ADGRG4: variants seen among roughly 807,000 people sequenced by gnomAD.
The protein encoded by ADGRG4 is G protein-coupled receptor 112.
ADGRG4 carries 122 observed loss-of-function variants against 126.2 expected under a neutral mutation model. The observed-to-expected ratio is 0.97, with a 90% confidence interval of 0.83 to 1.12. ADGRG4 has a LOEUF of 1.12. ADGRG4 is among the 50% of genes most tolerant of loss of function. The pLI, the probability that ADGRG4 is intolerant of heterozygous loss-of-function variation, is 0.00. For synonymous variants in ADGRG4, 943 were observed against 838.7 expected (o/e 1.12, Z -2.15); for missense variants, 2,481 against 2,251.8 (o/e 1.10, Z -2.06).
At position 136,349,235 on chromosome X, in the gene ADGRG4, T is replaced by A. The variant is rs1198780943; in HGVS notation, c.5529T>A (p.Thr1843=). ...CATTTGTTTATTCACCTCATAGTAC[T>A]GAAGCTGAGATCTCTACTCCAAAGA... The part of the protein sequence containing the change: ...LTSFVYSPHS[T]EAEISTPKTS... Residue 1843 remains threonine, a synonymous_variant, in exon 6 of 26, where the codon ACT becomes ACA. Transcript: ENST00000394143. 1.7e-6 allele frequency: 2 copies of A among 1,204,275 alleles called. No individual in the cohort carries two copies. The highest frequency in any genetic ancestry group is 4.4e-5 in the Admixed American group (2 of 45,895).
chrX:136,341,912 A>G (rs778366685), intron 5 of ADGRG4, among the ~76,000 whole-genome samples: 4 of 112,064 alleles, frequency 3.6e-5, no homozygotes, highest in Non-Finnish European at 5.6e-5. Flanking sequence ...TTCCTACATC[A>G]TAGGTAATAT....
At chrX:136,394,117 G>A (rs951226874) in intron 18 of ADGRG4, among the ~76,000 whole-genome samples, 14 of 110,384 alleles carry the variant, frequency 1.3e-4, no homozygotes, top group Non-Finnish European at 2.5e-4. Context: ...TGTGACCTTG[G>A]GTAGACAATT....
At chrX:136,312,132 T>C (rs766040475) in intron 4 of ADGRG4, among the ~76,000 whole-genome samples, 1 of 112,594 alleles carries the variant, frequency 8.9e-6, no homozygotes, top group East Asian at 2.8e-4. Context: ...GGCTAGGTTT[T>C]AATTAATTAA....
intron 5 of ADGRG4, among the ~76,000 whole-genome samples, chrX:136,343,633 T>A (rs917651747): frequency 8.9e-6 from 1 of 111,894 alleles, no homozygotes; most frequent in African/African-American, 3.2e-5. Context: ...TTTAAACTCA[T>A]TACTTCTACT....
At chrX:136,350,612 G>A (rs1189258738) in intron 6 of ADGRG4, among the ~76,000 whole-genome samples, 179 bp downstream of exon 6, 1 of 111,910 alleles carries the variant, frequency 8.9e-6, no homozygotes. Flanking sequence ...AAATTCTCTA[G>A]CCATCTTTCT....
At chrX:136,337,127 G>C (rs1331205605) in intron 5 of ADGRG4, among the ~76,000 whole-genome samples, 2 of 111,119 alleles carry the variant, frequency 1.8e-5, no homozygotes, top group African/African-American at 6.5e-5. Flanking sequence ...ACCACGCCCA[G>C]TTATTTTTAA....
chrX:136,414,944 G>A (rs909747089), intron 25 of ADGRG4, among the ~76,000 whole-genome samples: 1 of 112,485 alleles, frequency 8.9e-6, no homozygotes, highest in Non-Finnish European at 1.9e-5. Context: ...GGAATGGGGT[G>A]TTGTACCTAA....
intron 13 of ADGRG4, among the ~76,000 whole-genome samples, chrX:136,368,081 G>A (rs1042780964): frequency 1.8e-5 from 2 of 111,791 alleles, no homozygotes; most frequent in Admixed American, 9.5e-5. Context: ...CAGGTAGAAA[G>A]ACTGCAAAGC....
Position 136,371,551 on chromosome X carries a change from A to G in ADGRG4, c.7613+7A>G. 1 of 1,061,426 alleles carries G rather than the reference A, an allele frequency of 9.4e-7. No individual in the cohort carries two copies. The highest frequency in any genetic ancestry group is 2.5e-5 in the South Asian group (1 of 40,258). The allele number at this position is 1,061,426 out of a possible 1,213,427, so 87.5% of individuals were successfully genotyped here. A position where few individuals can be genotyped will look rare whatever the true frequency, so the allele number is the denominator to read the frequency against. Reference sequence around the variant, plus strand: ...TGCATGAAATAAGCAATGAGTAAGTACTAATACTTTGGTGAAAGACATTAT... The same window carrying G: ...TGCATGAAATAAGCAATGAGTAAGTGCTAATACTTTGGTGAAAGACATTAT... On this transcript the variant is annotated splice_region_variant and intron_variant, in intron 14 of 25. Coordinates refer to ENST00000394143, the MANE Select transcript of ADGRG4 (RefSeq NM_153834.4).
At chrX:136,323,577 AAC>A (rs138686053) in intron 5 of ADGRG4, among the ~76,000 whole-genome samples, 185 bp downstream of exon 5, 3,551 of 93,676 alleles carry the variant, frequency 0.038, 69 homozygotes, top group African/African-American at 0.075. Flanking sequence ...AGGATAGAAG[AAC>A]ACACACACAC....
At chrX:136,339,307 G>C (rs183302834) in intron 5 of ADGRG4, among the ~76,000 whole-genome samples, 2 of 111,654 alleles carry the variant, frequency 1.8e-5, no homozygotes, top group East Asian at 5.6e-4. Context: ...TCTTATGCCT[G>C]CCTGCCTTGG....
intron 16 of ADGRG4, among the ~76,000 whole-genome samples, chrX:136,389,541 C>G (rs1238290830): frequency 8.9e-6 from 1 of 111,935 alleles, no homozygotes; most frequent in African/African-American, 3.2e-5. Context: ...TTAGAACTAG[C>G]CTGCTTCAAA....
At position 136,348,345 on chromosome X, in the gene ADGRG4, T is replaced by A. The variant is rs143353057; in HGVS notation, c.4639T>A (p.Cys1547Ser). The A allele has an allele frequency of 2.6e-3, 3,107 of 1,208,618 alleles. 3 individuals carry two copies. The highest frequency in any genetic ancestry group is 3.2e-3 in the Non-Finnish European group (2,887 of 894,241). Reference protein sequence around the residue: ...TKSSKTMHPGCLKSPCTATSG... With the variant: ...TKSSKTMHPGSLKSPCTATSG... ...ATCTTCTAAAACAATGCATCCAGGTTGTTTGAAAAGTCCCTGTACAGCCAC... is the reference window on the plus strand; with the variant it reads ...ATCTTCTAAAACAATGCATCCAGGTAGTTTGAAAAGTCCCTGTACAGCCAC... Residue 1547 changes from cysteine (C) to serine (S), a missense_variant, in exon 6 of 26, where the codon TGT becomes AGT. Cys to Ser is a moderately radical substitution (Grantham distance 112). Coordinates refer to ENST00000394143, the MANE Select transcript of ADGRG4 (RefSeq NM_153834.4).
chrX:136,387,979 T>C (rs1342839292), intron 16 of ADGRG4, 105 bp downstream of exon 16: 3 of 762,199 alleles, frequency 3.9e-6, no homozygotes, highest in East Asian at 6.7e-5. Flanking sequence ...TAGAATATGC[T>C]GATTGATTCC....
intron 5 of ADGRG4, among the ~76,000 whole-genome samples, chrX:136,329,564 T>C (rs1325189355): frequency 8.9e-6 from 1 of 112,275 alleles, no homozygotes; most frequent in Non-Finnish European, 1.9e-5. Context: ...TGGCAAATCA[T>C]GTTTGTGAGC....
intron 5 of ADGRG4, among the ~76,000 whole-genome samples, chrX:136,331,929 G>C (rs980651573): frequency 4.7e-5 from 5 of 107,199 alleles, no homozygotes; most frequent in Non-Finnish European, 9.6e-5. Context: ...CCATTCTCCT[G>C]CCTCAGCCTC....
chrX:136,329,507 T>A (rs1359274533), intron 5 of ADGRG4, among the ~76,000 whole-genome samples: 1 of 111,704 alleles, frequency 9.0e-6, no homozygotes, highest in East Asian at 2.8e-4. Context: ...TTATGCAAAT[T>A]ATTTGTGCAA....
intron 5 of ADGRG4, among the ~76,000 whole-genome samples, chrX:136,332,024 C>T (rs1401030913): frequency 3.3e-4 from 36 of 108,474 alleles, no homozygotes; most frequent in African/African-American, 1.1e-3. Context: ...TTTTATTATA[C>T]TTTAAGTTTT....
chrX:136,380,397 C>G (rs938994684), intron 15 of ADGRG4, among the ~76,000 whole-genome samples: 1 of 110,529 alleles, frequency 9.0e-6, no homozygotes, highest in African/African-American at 3.3e-5. Flanking sequence ...TTTAAACAAC[C>G]TTTGGCCTTG....
Sources: gnomAD v4.1 joint callset for allele counts (sites outside exome capture counted in the v4.1 genomes callset) on GRCh38, gnomAD v4.1.1 for gene constraint, MANE v1.5 for transcripts, NCBI Gene and HGNC (gene_info 2026-07-23, HGNC 2026-07-21) for gene names.